Variants in CCPG1 observed in about 807,000 individuals in gnomAD.
The protein encoded by CCPG1 is cell cycle progression 1, also known as cell cycle progression protein 1.
In CCPG1, 46 loss-of-function variants were observed where a neutral mutation model predicts 81.3. The ratio of observed to expected loss-of-function variants is 0.57; its 90% CI spans 0.45 to 0.72. CCPG1 has a LOEUF of 0.72. Among genes scored for constraint, CCPG1 ranks in the 30% least tolerant of loss-of-function variants. The probability of loss-of-function intolerance (pLI) is 0.00; values close to 1 mark genes in which losing one functional copy is unlikely to be tolerated. For missense variants in CCPG1, 902 were observed against 937.6 expected (o/e 0.96, Z 0.50); for synonymous variants, 330 against 305.2 (o/e 1.08, Z -0.85).
At position 55,355,263 on chromosome 15, in the gene CCPG1, C is replaced by T. The variant is rs760160969; in HGVS notation, c.*957G>A. On this transcript the variant is annotated 3_prime_UTR_variant, in exon 9 of 9. Coordinates refer to ENST00000442196, the MANE Select transcript of CCPG1 (RefSeq NM_001204450.2). Reference sequence around the variant, plus strand: ...CTCAGCAAAATGTAGCCTTTATTTACTTAAACATTTATTTGCTTCTAGGAA... The same window carrying T: ...CTCAGCAAAATGTAGCCTTTATTTATTTAAACATTTATTTGCTTCTAGGAA... The T allele has an allele frequency of 1.3e-6, 2 of 1,579,920 alleles. No individual in the cohort carries two copies. Among genetic ancestry groups the T allele is most frequent in the Admixed American group, 1.8e-5 (1 of 56,658 alleles).
At chr15:55,373,593 G>A (rs1288402743) in intron 5 of CCPG1, among the ~76,000 whole-genome samples, 2 of 152,066 alleles carry the variant, frequency 1.3e-5, no homozygotes, top group African/African-American at 4.8e-5. Flanking sequence ...TGTTTATCTG[G>A]TTATTCTTGA....
At chr15:55,404,621 A>G (rs1416314612) in intron 1 of CCPG1, among the ~76,000 whole-genome samples, 1 of 152,214 alleles carries the variant, frequency 6.6e-6, no homozygotes, top group African/African-American at 2.4e-5. Flanking sequence ...ACAAAGTGAA[A>G]AGAAACCAGA....
rs1016313374 is a variant in CCPG1, at chr15:55,376,890, A to G, written c.454+59T>C. ...ACTAAATTATTAGGGGTAGAAAACA[A>G]GCCTTTATATAAAATGTGGTCGTAC... is the stretch of plus-strand genomic sequence containing the variant. On this transcript the variant is annotated intron_variant, in intron 5 of 8. Transcript: ENST00000442196. 2.4e-6 allele frequency: 3 copies of G among 1,247,368 alleles called. No homozygotes were observed. In the African/African-American group the frequency reaches 4.5e-5, roughly 19 times the overall value. The allele number at this position is 1,247,368 out of a possible 1,614,324, so 77.3% of individuals were successfully genotyped here.
intron 1 of CCPG1, among the ~76,000 whole-genome samples, chr15:55,400,592 TATAG>T (rs2141345521): frequency 6.6e-6 from 1 of 152,120 alleles, no homozygotes; most frequent in South Asian, 2.1e-4. Flanking sequence ...CAAAAAAAAT[TATAG>T]ATATTGCTAA....
Position 55,364,772 on chromosome 15 carries a change from C to CT in CCPG1, c.828+415dup, listed in dbSNP as rs1233986585. Among the ~76,000 whole-genome samples the CT allele has an allele frequency of 3.3e-5, 5 of 150,596 alleles. 1 individual carries two copies. The highest frequency in any genetic ancestry group is 5.9e-5 in the Non-Finnish European group (4 of 67,474). On this transcript the variant is annotated intron_variant, in intron 7 of 8. Coordinates refer to ENST00000442196, the MANE Select transcript of CCPG1 (RefSeq NM_001204450.2). ...CCTGTAATCCCAGCTACTTGGGAGG[C>CT]TGAGGCACAAGAATCGCTTGAACCC...
At chr15:55,383,971 T>C (rs1255900665) in intron 3 of CCPG1, among the ~76,000 whole-genome samples, 1 of 152,238 alleles carries the variant, frequency 6.6e-6, no homozygotes, top group Non-Finnish European at 1.5e-5. Context: ...TCAAGAACTT[T>C]TCCTTTGCAT....
chr15:55,365,278 TA>T lies in CCPG1; in HGVS notation c.737del (p.Leu246Ter), dbSNP rs755991082. On this transcript the variant is annotated frameshift_variant, in exon 7 of 9. Coordinates refer to ENST00000442196, the MANE Select transcript of CCPG1 (RefSeq NM_001204450.2). LOFTEE classifies it high-confidence loss of function. ...ATTCATCTTCATGTATCTTTCTGACTAACTGTTGACGCTTCTGAATCTGAAT... is the reference window on the plus strand; with the variant it reads ...ATTCATCTTCATGTATCTTTCTGACTACTGTTGACGCTTCTGAATCTGAAT... ...GTIQIQKRQQLVRKIHEDELN... is the reference protein window; with the variant it reads ...GTIQIQKRQQXVRKIHEDELN... 6.4e-7 allele frequency: 1 copy of T among 1,551,350 alleles called. No homozygotes were observed. Among genetic ancestry groups the T allele is most frequent in the African/African-American group, 1.4e-5 (1 of 73,438 alleles).
At chr15:55,382,919 C>T (rs1566976604) in intron 3 of CCPG1, among the ~76,000 whole-genome samples, 1 of 152,182 alleles carries the variant, frequency 6.6e-6, no homozygotes, top group Non-Finnish European at 1.5e-5. Context: ...TCAACTTCTT[C>T]CAAACTCCTG....
chr15:55,395,727 G>T (rs2057003979), intron 1 of CCPG1, among the ~76,000 whole-genome samples: 1 of 152,048 alleles, frequency 6.6e-6, no homozygotes, highest in Admixed American at 6.6e-5. Flanking sequence ...AGAATATTGT[G>T]CTGTAATTGC....
chr15:55,365,238 C>A lies in CCPG1; in HGVS notation c.778G>T (p.Asp260Tyr). The A allele has an allele frequency of 6.6e-7, 1 of 1,510,432 alleles. No individual in the cohort carries two copies. The highest frequency in any genetic ancestry group is 1.8e-5 in the Admixed American group (1 of 56,914). The allele number at this position is 1,510,432 out of a possible 1,614,324, so 93.6% of individuals were successfully genotyped here. The change falls in exon 7 of 9, where the codon GAT becomes TAT. Residue 260 changes from aspartate (D) to tyrosine (Y), a missense_variant. Physicochemically the swap from Asp to Tyr is radical, Grantham distance 160. This residue lies in a region of CCPG1 where 746 missense variants were observed against 728.6 expected (regional missense o/e 1.02). Coordinates refer to ENST00000442196, the MANE Select transcript of CCPG1 (RefSeq NM_001204450.2). ...IHEDELNDMK[D>Y]YLSQCQQEQE... ...TCCTGTTGACACTGGGAAAGATAAT[C>A]CTTCATATCATTCAATTCATCTTCA...
chr15:55,373,105 G>C (rs1595835646), intron 5 of CCPG1: 1 of 466,204 alleles, frequency 2.1e-6, no homozygotes. Flanking sequence ...AAACTAGTGG[G>C]GAAAATTTGC....
intron 5 of CCPG1, among the ~76,000 whole-genome samples, chr15:55,375,562 A>G (rs1346532276): frequency 6.6e-6 from 1 of 152,242 alleles, no homozygotes; most frequent in Non-Finnish European, 1.5e-5. Flanking sequence ...TCCTCTGAAC[A>G]TCAAGAATGT....
Position 55,359,680 on chromosome 15 carries a change from G to A in CCPG1, c.2093C>T (p.Thr698Ile). 5.0e-6 allele frequency: 8 copies of A among 1,613,490 alleles called. No individual in the cohort carries two copies. Among genetic ancestry groups the A allele is most frequent in the Non-Finnish European group, 5.9e-6 (7 of 1,179,834 alleles). Residue 698 changes from threonine to isoleucine, a missense_variant, in exon 8 of 9, where the codon ACT (threonine) becomes ATT (isoleucine). Transcript: ENST00000442196. Reference protein sequence around the residue: ...GVFIHDQKLFTDFVNDVKDYL... With the variant: ...GVFIHDQKLFIDFVNDVKDYL... ...ATCTTTAACATCATTAACAAAGTCAGTGAAGAGCTTCTGATCATGTATAAA... is the reference window on the plus strand; with the variant it reads ...ATCTTTAACATCATTAACAAAGTCAATGAAGAGCTTCTGATCATGTATAAA...
rs377008200 is a variant in CCPG1, at chr15:55,355,380, A to T, written c.*840T>A. The T allele has an allele frequency of 3.1e-6, 5 of 1,611,824 alleles. No individual in the cohort carries two copies. In the African/African-American group the frequency reaches 5.3e-5, roughly 17 times the overall value. On this transcript the variant is annotated 3_prime_UTR_variant, in exon 9 of 9. Coordinates refer to ENST00000442196, the MANE Select transcript of CCPG1 (RefSeq NM_001204450.2). ...GAGGGTCGAATTGGAAGTCACATAT[A>T]TGTCTATGAACGGAAGTTAAAAGGG...
Position 55,360,583 on chromosome 15 carries a change from C to T in CCPG1, c.1190G>A (p.Arg397Lys), listed in dbSNP as rs375845790. The T allele has an allele frequency of 2.3e-5, 37 of 1,614,034 alleles. No individual in the cohort carries two copies. Among genetic ancestry groups the T allele is most frequent in the Non-Finnish European group, 2.9e-5 (34 of 1,180,026 alleles). Residue 397 changes from arginine to lysine, a missense_variant, in exon 8 of 9, where the codon AGG becomes AAG. By Grantham distance (26) the Arg-to-Lys change is conservative. This residue lies in a region of CCPG1 where 746 missense variants were observed against 728.6 expected (regional missense o/e 1.02). Coordinates refer to ENST00000442196, the MANE Select transcript of CCPG1 (RefSeq NM_001204450.2). Reference protein sequence around the residue: ...ERERLVTTALRGELQQLSGSQ... With the variant: ...ERERLVTTALKGELQQLSGSQ... ...ACCACTTAACTGCTGGAGTTCCCCC[C>T]TTAAAGCCGTAGTTACTAGTCGTTC...
At chr15:55,380,254 T>C (rs1251342968) in intron 3 of CCPG1, among the ~76,000 whole-genome samples, 1 of 152,012 alleles carries the variant, frequency 6.6e-6, no homozygotes, top group African/African-American at 2.4e-5. Flanking sequence ...GCTTACTATT[T>C]TTTTTTCCCT....
chr15:55,375,688 CT>C (rs556670892), intron 5 of CCPG1, among the ~76,000 whole-genome samples: 315 of 139,512 alleles, frequency 2.3e-3, no homozygotes, highest in Middle Eastern at 0.011. Context: ...AGAATCTCTA[CT>C]TTTTTTTTTT....
intron 8 of CCPG1, 80 bp from the exon 9 acceptor site, chr15:55,356,489 A>C (rs2056078595): frequency 1.5e-6 from 2 of 1,325,244 alleles, no homozygotes; most frequent in Non-Finnish European, 2.0e-6. Context: ...TGTTTTCTCC[A>C]TTAATCTATG....
chr15:55,376,375 T>C (rs1050410198), intron 5 of CCPG1, among the ~76,000 whole-genome samples: 6 of 152,204 alleles, frequency 3.9e-5, no homozygotes, highest in African/African-American at 7.2e-5. Context: ...CGGGCATTGA[T>C]TGCATTAAAA....
Sources: gnomAD v4.1 joint callset for allele counts (sites outside exome capture counted in the v4.1 genomes callset) on GRCh38, gnomAD v4.1.1 for gene constraint, gnomAD v4.1.1 regional missense constraint, MANE v1.5 for transcripts, NCBI Gene and HGNC (gene_info 2026-07-23, HGNC 2026-07-21) for gene names.